The following ZNF138 variants were observed in gnomAD, a reference collection of about 807,000 sequenced individuals.
ZNF138 encodes zinc finger protein 138 (clone pHZ-32).
Under a neutral mutation model 33.0 loss-of-function variants are expected in ZNF138, and 33 were observed. The observed-to-expected ratio is 1.00, with a 90% CI of 0.76 to 1.34. The LOEUF (loss-of-function observed/expected upper bound fraction) is 1.34. Ranked by LOEUF, ZNF138 falls within the 40% of genes most tolerant of loss-of-function variation. The pLI, the probability that ZNF138 is intolerant of heterozygous loss-of-function variation, is 0.00. For missense variants in ZNF138, 360 were observed against 370.8 expected (o/e 0.97, Z 0.24); for synonymous variants, 139 against 120.4 (o/e 1.15, Z -1.01).
At chr7:64,831,143 C>G in intron 3 of ZNF138, 2 of 1,529,386 alleles carry the variant, frequency 1.3e-6, no homozygotes, top group South Asian at 2.4e-5. Flanking sequence ...CTTCTAGAGG[C>G]ACTATGTTAT....
At chr7:64,838,502 A>G (rs1349627075), downstream of ZNF138, among the ~76,000 whole-genome samples, 2 of 152,086 alleles carry the variant, frequency 1.3e-5, no homozygotes, top group African/African-American at 2.4e-5. Flanking sequence ...CTCTTAGGGA[A>G]TGCCGGTTGC....
At chr7:64,853,299 C>T in the ZNF138 span, 133,298 of 1,609,716 alleles carry the variant, frequency 0.083, 7,852 homozygotes, top group East Asian at 0.24. Flanking sequence ...TCTGGTTAGC[C>T]GGAAGCTTTT....
At chr7:64,844,268 GGGGTGCACAGAGATT>G in the ZNF138 span, among the ~76,000 whole-genome samples, 1 of 152,196 alleles carries the variant, frequency 6.6e-6, no homozygotes, top group Non-Finnish European at 1.5e-5. Flanking sequence ...GCTAGTTCCA[GGGGTGCACAGAGATT>G]TAAAGGGCAC....
chr7:64,849,842 G>A, the ZNF138 span, among the ~76,000 whole-genome samples: 1 of 152,108 alleles, frequency 6.6e-6, no homozygotes, highest in African/African-American at 2.4e-5. Flanking sequence ...AGGCAGTGAG[G>A]GAACAGAGCT....
At chr7:64,849,226 A>C in the ZNF138 span, among the ~76,000 whole-genome samples, 1 of 151,862 alleles carries the variant, frequency 6.6e-6, no homozygotes, top group Non-Finnish European at 1.5e-5. Context: ...TTTTTTCTGG[A>C]TCTAGTCACT....
chr7:64,814,053 T>TTACAG, intron 1 of ZNF138: 1 of 1,208,218 alleles, frequency 8.3e-7, no homozygotes, highest in Non-Finnish European at 1.0e-6. Context: ...TCATCTTTGT[T>TTACAG]TACAGGCCAG....
the ZNF138 span, among the ~76,000 whole-genome samples, chr7:64,850,080 G>A: frequency 8.5e-5 from 13 of 152,346 alleles, no homozygotes; most frequent in East Asian, 2.3e-3. Flanking sequence ...TTTGACGCAA[G>A]TCTAAAATGG....
chr7:64,833,725 T>C (rs1790276192), downstream of ZNF138: 1 of 150,874 alleles, frequency 6.6e-6, no homozygotes, highest in South Asian at 2.1e-4. Flanking sequence ...TTTGTTTGTT[T>C]TGTTTTGTTT....
chr7:64,804,282 C>CCCTGT (rs1787393598), intron 1 of ZNF138, among the ~76,000 whole-genome samples: 2 of 152,162 alleles, frequency 1.3e-5, no homozygotes, highest in Non-Finnish European at 2.9e-5. Flanking sequence ...CTGTGAAAAT[C>CCCTGT]CCTGTCCTGT....
chr7:64,840,149 A>G, the ZNF138 span, among the ~76,000 whole-genome samples: 1 of 152,272 alleles, frequency 6.6e-6, no homozygotes, highest in East Asian at 1.9e-4. Flanking sequence ...TCTTCACCAG[A>G]GTCCAATCAC....
chr7:64,860,214 G>A, the ZNF138 span, among the ~76,000 whole-genome samples: 10 of 152,150 alleles, frequency 6.6e-5, no homozygotes, highest in African/African-American at 7.2e-5. Context: ...TGTTTATGCT[G>A]TAAAATGTTT....
At chr7:64,796,278 C>CGTCTTCAGAGAGGGTG (rs549047548) in intron 1 of ZNF138, among the ~76,000 whole-genome samples, 3 of 152,264 alleles carry the variant, frequency 2.0e-5, no homozygotes, top group South Asian at 2.1e-4. Context: ...CATAGTGCAG[C>CGTCTTCAGAGAGGGTG]GTCTTCAGAG....
intron 3 of ZNF138, among the ~76,000 whole-genome samples, chr7:64,830,750 C>T (rs1466271169): frequency 6.6e-6 from 1 of 152,078 alleles, no homozygotes; most frequent in Non-Finnish European, 1.5e-5. Flanking sequence ...AGCTACCTGT[C>T]AGTGTTTATA....
chr7:64,827,318 G>A (rs1308505517), intron 3 of ZNF138, among the ~76,000 whole-genome samples: 5 of 151,598 alleles, frequency 3.3e-5, no homozygotes, highest in Non-Finnish European at 7.4e-5. Flanking sequence ...CACAATCTCG[G>A]TTCACTGCAA....
At chr7:64,852,784 T>C in the ZNF138 span, 3,041 of 842,104 alleles carry the variant, frequency 3.6e-3, 64 homozygotes, top group African/African-American at 0.045. Flanking sequence ...CATCCCCTGG[T>C]ACTGCATTGT....
At chr7:64,808,251 G>T (rs919415820) in intron 1 of ZNF138, among the ~76,000 whole-genome samples, 1 of 152,166 alleles carries the variant, frequency 6.6e-6, no homozygotes, top group African/African-American at 2.4e-5. Context: ...GATGTCTTTG[G>T]TTGGTACCCA....
At chr7:64,795,823 T>A (rs1364632372) in intron 1 of ZNF138, among the ~76,000 whole-genome samples, 3 of 152,210 alleles carry the variant, frequency 2.0e-5, no homozygotes, top group African/African-American at 7.2e-5. Flanking sequence ...GTTTCAGTAC[T>A]TTCTGAGGAT....
intron 3 of ZNF138, among the ~76,000 whole-genome samples, chr7:64,820,645 C>T (rs1789052239): frequency 6.6e-6 from 1 of 151,438 alleles, no homozygotes; most frequent in Non-Finnish European, 1.5e-5. Context: ...GTCACTGCAA[C>T]CTCTGCCTCC....
intron 1 of ZNF138, among the ~76,000 whole-genome samples, chr7:64,795,119 T>C (rs1330951822): frequency 6.6e-6 from 1 of 152,214 alleles, no homozygotes; most frequent in East Asian, 1.9e-4. Context: ...AGTAGAGTTA[T>C]GTAGTTTCTT....
Sources: allele counts gnomAD v4.1 joint callset (sites outside exome capture counted in the v4.1 genomes callset), GRCh38; gene constraint gnomAD v4.1.1; transcripts MANE v1.5; gene names NCBI Gene and HGNC (gene_info 2026-07-23, HGNC 2026-07-21).